PEX5L: variants seen among roughly 807,000 people sequenced by gnomAD.
PEX5L encodes the protein PEX5-related protein.
A neutral mutation model predicts 84.0 loss-of-function variants in PEX5L; 30 were observed. The ratio of observed to expected loss-of-function variants is 0.36; its 90% CI spans 0.27 to 0.48. The LOEUF (loss-of-function observed/expected upper bound fraction) is 0.48, where lower values mean the gene tolerates loss of function less well. Ranked by LOEUF, PEX5L falls within the 20% of genes least tolerant of loss-of-function variation. The probability of loss-of-function intolerance (pLI) is 0.99; values close to 1 mark genes in which losing one functional copy is unlikely to be tolerated. For missense variants in PEX5L, 533 were observed against 754.6 expected, an observed-to-expected ratio of 0.71 and a Z score of 3.44; for synonymous variants, 270 against 283.1, an observed-to-expected ratio of 0.95 and a Z score of 0.46.
intron 1 of PEX5L, among the ~76,000 whole-genome samples, chr3:179,987,107 C>T (rs1442806778): frequency 6.6e-6 from 1 of 152,008 alleles, no homozygotes; most frequent in African/African-American, 2.4e-5. Context: ...GGAATAATAA[C>T]AAAACCCAGC....
At position 179,886,946 on chromosome 3, in the gene PEX5L, C is replaced by T. The variant is rs553174481; in HGVS notation, c.310+727G>A. 4.8e-3 allele frequency among the ~76,000 whole-genome samples: 731 copies of T among 152,230 alleles called. 4 individuals are homozygous for T. Among genetic ancestry groups the T allele is most frequent in the South Asian group, 9.1e-3 (44 of 4,822 alleles). On this transcript the variant is annotated intron_variant, in intron 4 of 14. Transcript: ENST00000467460. ...TGATTCTGAACATCATTTTTTCATT[C>T]TTATTTGAATGACATGACTTTGAAT... is the stretch of plus-strand genomic sequence containing the variant.
intron 2 of PEX5L, among the ~76,000 whole-genome samples, chr3:179,952,888 C>T (rs574954646): frequency 3.9e-5 from 6 of 151,988 alleles, no homozygotes; most frequent in South Asian, 2.1e-4. Context: ...AGCATGGTAC[C>T]GGTACCAAAA....
intron 1 of PEX5L, among the ~76,000 whole-genome samples, chr3:180,030,008 A>T (rs1413770302): frequency 6.6e-6 from 1 of 152,078 alleles, no homozygotes; most frequent in Non-Finnish European, 1.5e-5. Context: ...TTTCTTAAGG[A>T]GCTTCCATAT....
chr3:179,806,095 T>TA (rs1721198416), intron 14 of PEX5L, among the ~76,000 whole-genome samples: 1 of 151,298 alleles, frequency 6.6e-6, no homozygotes, highest in African/African-American at 2.4e-5. Flanking sequence ...TATATATATA[T>TA]ATGTATTTTG....
chr3:179,885,944 T>C (rs1755717584), intron 4 of PEX5L, among the ~76,000 whole-genome samples: 1 of 152,214 alleles, frequency 6.6e-6, no homozygotes, highest in East Asian at 1.9e-4. Context: ...CTAGGACTAA[T>C]ACAGAGGGCA....
intron 2 of PEX5L, among the ~76,000 whole-genome samples, chr3:179,906,774 C>CT (rs1763367501): frequency 6.6e-6 from 1 of 152,072 alleles, no homozygotes; most frequent in African/African-American, 2.4e-5. Flanking sequence ...ATAAAAATTA[C>CT]TTTTTCTAAA....
intron 1 of PEX5L, among the ~76,000 whole-genome samples, chr3:180,018,847 G>GCATCT (rs1690993628): frequency 6.6e-6 from 1 of 152,042 alleles, no homozygotes; most frequent in Admixed American, 6.6e-5. Flanking sequence ...TAAGGTTGCT[G>GCATCT]CAGATTCAAT....
chr3:179,875,366 T>C lies in PEX5L; in HGVS notation c.617A>G (p.Lys206Arg), dbSNP rs1196775111. ...RKSSSSRTGS[K>R]ELLWSSEHRS... Reference sequence around the variant, plus strand: ...TAAAATACCTTACCATAAGAGCTCTTTTGATCCAGTTCTAGATGAGGATGA... The same window carrying C: ...TAAAATACCTTACCATAAGAGCTCTCTTGATCCAGTTCTAGATGAGGATGA... Residue 206 changes from lysine (K) to arginine (R), a missense_variant, in exon 6 of 15, where the codon AAA becomes AGA. Around this residue, in one of 8 missense-constraint regions of PEX5L, gnomAD observed 259 missense variants for 301.7 expected, o/e 0.86. Transcript: ENST00000467460. The C allele has an allele frequency of 6.2e-7, 1 of 1,613,900 alleles. No homozygotes were observed. The highest frequency in any genetic ancestry group is 1.3e-5 in the African/African-American group (1 of 74,932).
chr3:179,807,156 T>G (rs2108746336), intron 14 of PEX5L, among the ~76,000 whole-genome samples: 1 of 152,194 alleles, frequency 6.6e-6, no homozygotes, highest in South Asian at 2.1e-4. Context: ...ATAAGCCCAG[T>G]TGTGTTTTTT....
At chr3:179,987,489 CTT>C (rs1786964098) in intron 1 of PEX5L, among the ~76,000 whole-genome samples, 1 of 152,172 alleles carries the variant, frequency 6.6e-6, no homozygotes, top group South Asian at 2.1e-4. Flanking sequence ...TGTGTCAACT[CTT>C]AGAATTCTGT....
intron 2 of PEX5L, among the ~76,000 whole-genome samples, chr3:179,940,400 G>A (rs193193902): frequency 3.4e-4 from 52 of 152,242 alleles, no homozygotes; most frequent in African/African-American, 1.2e-3. Context: ...GGGCGCTGGG[G>A]GATGTGGAGA....
intron 1 of PEX5L, among the ~76,000 whole-genome samples, chr3:179,975,122 G>A (rs1785604585): frequency 6.6e-6 from 1 of 152,178 alleles, no homozygotes; most frequent in South Asian, 2.1e-4. Context: ...GCAAGAGTTT[G>A]AGGCTGCAGT....
At chr3:179,995,651 C>T (rs534751525) in intron 1 of PEX5L, among the ~76,000 whole-genome samples, 32 of 152,238 alleles carry the variant, frequency 2.1e-4, no homozygotes, top group African/African-American at 7.2e-4. Flanking sequence ...AACTGATGAA[C>T]TCAGGGATTC....
At chr3:179,976,809 G>A (rs1785845114) in intron 1 of PEX5L, among the ~76,000 whole-genome samples, 1 of 152,122 alleles carries the variant, frequency 6.6e-6, no homozygotes, top group Non-Finnish European at 1.5e-5. Flanking sequence ...AAAGTATAGG[G>A]AAAGAATACT....
In PEX5L at chr3:179,928,593, A is replaced by C. The variant is rs796789682; in HGVS notation, c.94-30347T>G. Among the ~76,000 whole-genome samples, 6 of 152,304 alleles carry C rather than the reference A, an allele frequency of 3.9e-5. No homozygotes were observed. In the South Asian group the frequency reaches 6.2e-4, roughly 16 times the overall value. On this transcript the variant is annotated intron_variant, in intron 2 of 14. Transcript: ENST00000467460. The stretch of plus-strand genomic sequence containing the variant: ...TCTGAGTTACAATCTCAACTCTCCA[A>C]CTGATTCTGGATTGAATTTTAAGCA...
chr3:179,893,717 C>T (rs1159394922), intron 3 of PEX5L, among the ~76,000 whole-genome samples: 1 of 151,992 alleles, frequency 6.6e-6, no homozygotes, highest in Non-Finnish European at 1.5e-5. Flanking sequence ...GCATTTGGTA[C>T]TTCAATAATA....
In PEX5L at chr3:179,961,852, C is replaced by T. The variant is rs530394921; in HGVS notation, c.93+9742G>A. ...AAAGCACTGGCAGCTGACTTCAAAA[C>T]GGATGGGCCTGAAAGCTGAACTGTC... On this transcript the variant is annotated intron_variant, in intron 2 of 14. Coordinates refer to ENST00000467460, the MANE Select transcript of PEX5L (RefSeq NM_016559.3). Among the ~76,000 whole-genome samples the T allele has an allele frequency of 3.0e-4, 45 of 152,236 alleles. No homozygotes were observed. The South Asian group carries it at 8.1e-3, about 27-fold the overall frequency.
Position 180,036,608 on chromosome 3 carries a change from G to C in PEX5L, c.-9C>G. ...ATGTGTCCCTGGTACATTCTGCTTCGGTTTCTTCAGGGCTCCCTGAGGCCA... is the reference window on the plus strand; with the variant it reads ...ATGTGTCCCTGGTACATTCTGCTTCCGTTTCTTCAGGGCTCCCTGAGGCCA... On this transcript the variant is annotated 5_prime_UTR_variant, in exon 1 of 15. Coordinates refer to ENST00000467460, the MANE Select transcript of PEX5L (RefSeq NM_016559.3). 2 of 1,614,082 alleles carry C rather than the reference G, an allele frequency of 1.2e-6. No homozygotes were observed. The highest frequency in any genetic ancestry group is 1.7e-6 in the Non-Finnish European group (2 of 1,179,930).
intron 2 of PEX5L, among the ~76,000 whole-genome samples, chr3:179,936,554 T>TGGGGTATTA (rs1482444099): frequency 3.3e-4 from 12 of 36,580 alleles, no homozygotes; most frequent in Admixed American, 9.0e-4. Flanking sequence ...ATGTTGATTC[T>TGGGGTATTA]GAGTAACTTA....
Sources: allele counts gnomAD v4.1 joint callset (sites outside exome capture counted in the v4.1 genomes callset), GRCh38; gene constraint gnomAD v4.1.1; regional missense constraint gnomAD v4.1.1; transcripts MANE v1.5; gene names NCBI Gene and HGNC (gene_info 2026-07-23, HGNC 2026-07-21).